FAM200B: variants seen among roughly 807,000 people sequenced by gnomAD.
FAM200B encodes the protein zinc finger BED-type containing 11.
A neutral mutation model predicts 33.1 loss-of-function variants in FAM200B; 32 were observed. That is an observed-to-expected ratio of 0.97 (90% CI 0.73 to 1.30). The LOEUF (loss-of-function observed/expected upper bound fraction) is 1.30. Among genes scored for constraint, FAM200B ranks in the 50% most tolerant of loss-of-function variants. The pLI is 0.00. For synonymous variants in FAM200B, 240 were observed against 264.8 expected, an observed-to-expected ratio of 0.91 and a Z score of 0.91; for missense variants, 741 against 754.0, an observed-to-expected ratio of 0.98 and a Z score of 0.20.
At chr4:15,682,995 C>CT (rs1718474745) in intron 1 of FAM200B, among the ~76,000 whole-genome samples, 1 of 152,182 alleles carries the variant, frequency 6.6e-6, no homozygotes, top group Admixed American at 6.5e-5. Context: ...CCATTAAATG[C>CT]TTTTCCAGTT....
At chr4:15,650,661 C>CTTTTTTTTTTTTTTTTT in the FAM200B span, among the ~76,000 whole-genome samples, 1 of 77,884 alleles carries the variant, frequency 1.3e-5, no homozygotes, top group Non-Finnish European at 2.4e-5. Context: ...AACTGACTTT[C>CTTTTTTTTTTTTTTTTT]TTTTTTTTTT....
chr4:15,638,542 A>T, the FAM200B span: 1 of 1,595,402 alleles, frequency 6.3e-7, no homozygotes, highest in Middle Eastern at 1.7e-4. Context: ...AATATTTAAA[A>T]AACTTCTGTC....
At position 15,686,270 on chromosome 4, in the gene FAM200B, T is replaced by G. The variant is rs973348171; in HGVS notation, c.-708T>G. 6 of 152,160 alleles carry G rather than the reference T, an allele frequency of 3.9e-5. No individual in the cohort carries two copies. Among genetic ancestry groups the G allele is most frequent in the Non-Finnish European group, 8.8e-5 (6 of 68,026 alleles). 9.4% of individuals were successfully genotyped at this position (152,160 alleles called of 1,614,324 possible). On this transcript the variant is annotated 5_prime_UTR_variant, in exon 2 of 2. Transcript: ENST00000422728. Reference sequence around the variant, plus strand: ...GCATTCCAGGAAAGTTCTATAAAAATATACCATCAACTCCAACCTGATATT... The same window carrying G: ...GCATTCCAGGAAAGTTCTATAAAAAGATACCATCAACTCCAACCTGATATT...
chr4:15,640,877 A>G, the FAM200B span: 1 of 1,477,014 alleles, frequency 6.8e-7, no homozygotes, highest in Non-Finnish European at 9.0e-7. Context: ...AACTGTTCAT[A>G]TTCATTCTGG....
intron 1 of FAM200B, chr4:15,684,959 G>A (rs1314248380): frequency 6.6e-6 from 1 of 152,108 alleles, no homozygotes; most frequent in Admixed American, 6.5e-5. Flanking sequence ...CACCTTTTAA[G>A]GTACAATCAG....
the FAM200B span, among the ~76,000 whole-genome samples, chr4:15,673,362 G>A: frequency 6.6e-6 from 1 of 151,996 alleles, no homozygotes. Flanking sequence ...GATCACCAGA[G>A]CCCAGAAGGT....
At chr4:15,683,007 T>C (rs1718477134) in intron 1 of FAM200B, among the ~76,000 whole-genome samples, 1 of 152,186 alleles carries the variant, frequency 6.6e-6, no homozygotes, top group Non-Finnish European at 1.5e-5. Context: ...TTTCCAGTTA[T>C]GAGGAAGCTG....
Position 15,688,208 on chromosome 4 carries a change from GA to G in FAM200B, c.1239del (p.Lys413AsnfsTer14), listed in dbSNP as rs1219335126. On this transcript the variant is annotated frameshift_variant, in exon 2 of 2. Transcript: ENST00000422728. LOFTEE classifies it high-confidence loss of function. Reference sequence around the variant, plus strand: ...GAATGAGATTCACTTTTTTCTCATTGAAAAAAAATCTCATTTGGCAAGTATT... The same window carrying G: ...GAATGAGATTCACTTTTTTCTCATTGAAAAAAATCTCATTTGGCAAGTATT... ...LRNEIHFFLI[E>X]KKSHLASIFE... The G allele has an allele frequency of 4.6e-5, 71 of 1,549,422 alleles. No homozygotes were observed. Among genetic ancestry groups the G allele is most frequent in the East Asian group, 2.9e-4 (12 of 40,818 alleles).
At chr4:15,685,245 G>A (rs2148858866) in intron 1 of FAM200B, among the ~76,000 whole-genome samples, 1 of 152,268 alleles carries the variant, frequency 6.6e-6, no homozygotes, top group African/African-American at 2.4e-5. Context: ...TTATACTCAT[G>A]GATCCCTAGA....
At chr4:15,647,991 G>A in the FAM200B span, among the ~76,000 whole-genome samples, 1 of 152,134 alleles carries the variant, frequency 6.6e-6, no homozygotes, top group African/African-American at 2.4e-5. Context: ...CCGAATAGCT[G>A]GAACTACAGG....
the FAM200B span, among the ~76,000 whole-genome samples, chr4:15,647,222 C>CAAAA: frequency 3.7e-3 from 133 of 35,792 alleles, no homozygotes; most frequent in East Asian, 7.0e-3. Context: ...GACTCCATCT[C>CAAAA]AAAAAAAAAA....
chr4:15,641,121 G>A, the FAM200B span, among the ~76,000 whole-genome samples: 14 of 152,080 alleles, frequency 9.2e-5, no homozygotes, highest in Middle Eastern at 3.4e-3. Flanking sequence ...AAAATAGCAC[G>A]TATCTGCCCA....
At chr4:15,642,361 T>C in the FAM200B span, among the ~76,000 whole-genome samples, 2 of 151,864 alleles carry the variant, frequency 1.3e-5, no homozygotes, top group South Asian at 2.1e-4. Flanking sequence ...GTCTCCTGAG[T>C]AGCTGGGACT....
the FAM200B span, among the ~76,000 whole-genome samples, chr4:15,656,040 G>A: frequency 6.6e-6 from 1 of 152,238 alleles, no homozygotes; most frequent in South Asian, 2.1e-4. Flanking sequence ...TCAACGTGGG[G>A]GAAAAACAGT....
At chr4:15,682,066 G>A (rs1222412916) in intron 1 of FAM200B, 165 bp downstream of exon 1, 4 of 152,366 alleles carry the variant, frequency 2.6e-5, no homozygotes, top group African/African-American at 9.6e-5. Context: ...TTATTCTAGG[G>A]TCGGCCGAGG....
the FAM200B span, among the ~76,000 whole-genome samples, chr4:15,646,702 C>G: frequency 1.0e-4 from 14 of 133,996 alleles, no homozygotes; most frequent in African/African-American, 3.8e-4. Flanking sequence ...CCCCTCCCCC[C>G]ACCCCACAAC....
the FAM200B span, among the ~76,000 whole-genome samples, chr4:15,676,229 G>A: frequency 6.6e-6 from 1 of 152,198 alleles, no homozygotes; most frequent in African/African-American, 2.4e-5. Flanking sequence ...CTCCTGATAT[G>A]ATGCAATAGG....
the FAM200B span, among the ~76,000 whole-genome samples, chr4:15,670,133 ATTCT>A: frequency 4.6e-5 from 7 of 152,228 alleles, no homozygotes; most frequent in African/African-American, 1.7e-4. Flanking sequence ...GCTAAGTAGT[ATTCT>A]CATATGTGTT....
the FAM200B span, among the ~76,000 whole-genome samples, chr4:15,656,730 T>G: frequency 2.0e-5 from 3 of 152,152 alleles, no homozygotes; most frequent in African/African-American, 7.2e-5. Context: ...TGCTCTGACA[T>G]GAAATGAAGC....
Sources: gnomAD v4.1 joint callset for allele counts (sites outside exome capture counted in the v4.1 genomes callset) on GRCh38, gnomAD v4.1.1 for gene constraint, MANE v1.5 for transcripts, NCBI Gene and HGNC (gene_info 2026-07-23, HGNC 2026-07-21) for gene names.